NRXN1: variants seen among roughly 807,000 people sequenced by gnomAD.
NRXN1 encodes the protein neurexin-1.
NRXN1 carries 39 observed loss-of-function variants against 150.9 expected under a neutral mutation model. That is an observed-to-expected ratio of 0.26 (90% CI 0.20 to 0.34). The LOEUF is 0.34. Ranked by LOEUF, NRXN1 falls within the 10% of genes least tolerant of loss-of-function variation. NRXN1 has a pLI of 1.00. For synonymous variants in NRXN1, 924 were observed against 757.0 expected, an observed-to-expected ratio of 1.22 and a Z score of -3.62; for missense variants, 1,815 against 1,949.9, an observed-to-expected ratio of 0.93 and a Z score of 1.30.
chr2:50,099,849 T>C (rs1481433767), intron 18 of NRXN1, among the ~76,000 whole-genome samples: 4 of 152,124 alleles, frequency 2.6e-5, no homozygotes, highest in African/African-American at 9.7e-5. Context: ...TATTCTAAAA[T>C]CTACCTGTGC....
chr2:50,092,704 A>C (rs1317839781), intron 18 of NRXN1, among the ~76,000 whole-genome samples: 3 of 152,184 alleles, frequency 2.0e-5, no homozygotes, highest in Non-Finnish European at 4.4e-5. Flanking sequence ...TCTTTTTCAA[A>C]ATTGTATTAA....
At chr2:50,437,427 G>T (rs535072982) in intron 17 of NRXN1, among the ~76,000 whole-genome samples, 21 of 152,204 alleles carry the variant, frequency 1.4e-4, no homozygotes, top group Non-Finnish European at 2.2e-4. Context: ...ATGTTCTAAC[G>T]CAAGTCCCAG....
chr2:50,322,552 G>T (rs188083755), intron 17 of NRXN1, among the ~76,000 whole-genome samples: 3 of 152,264 alleles, frequency 2.0e-5, no homozygotes, highest in Admixed American at 2.0e-4. Flanking sequence ...CTGTAAGTAT[G>T]AAAGTTCTCT....
chr2:50,259,899 A>G (rs898655286), intron 17 of NRXN1, among the ~76,000 whole-genome samples: 1 of 151,792 alleles, frequency 6.6e-6, no homozygotes, highest in African/African-American at 2.4e-5. Flanking sequence ...GTGGTTTATC[A>G]TTTGTGGTGC....
intron 17 of NRXN1, among the ~76,000 whole-genome samples, chr2:50,241,298 T>C (rs1225510112): frequency 4.7e-4 from 71 of 151,758 alleles, no homozygotes. Context: ...AAAAATTTTA[T>C]CTTTACAGAA....
intron 17 of NRXN1, among the ~76,000 whole-genome samples, chr2:50,413,471 C>G (rs1051301411): frequency 1.3e-5 from 2 of 152,142 alleles, no homozygotes; most frequent in African/African-American, 2.4e-5. Flanking sequence ...CCAATCAAAA[C>G]TACAATGAGA....
At chr2:50,724,942 C>A (rs1349776591) in intron 5 of NRXN1, among the ~76,000 whole-genome samples, 3 of 150,908 alleles carry the variant, frequency 2.0e-5, no homozygotes, top group Non-Finnish European at 4.4e-5. Context: ...TGTTGAACAC[C>A]TGATACAGGG....
chr2:50,746,361 C>G (rs1301650841), intron 5 of NRXN1, among the ~76,000 whole-genome samples: 1 of 152,086 alleles, frequency 6.6e-6, no homozygotes, highest in Admixed American at 6.6e-5. Flanking sequence ...AGTTTGAGAC[C>G]AGCCTGGGCA....
intron 13 of NRXN1, among the ~76,000 whole-genome samples, chr2:50,504,140 T>TAAAAAAAAA (rs70948715): frequency 5.3e-5 from 6 of 112,422 alleles, no homozygotes; most frequent in African/African-American, 1.1e-4. Context: ...ACATGACAAC[T>TAAAAAAAAA]AAAAAAAAAA....
chr2:49,958,613 C>T (rs957482752), intron 21 of NRXN1, among the ~76,000 whole-genome samples: 1 of 152,154 alleles, frequency 6.6e-6, no homozygotes, highest in Non-Finnish European at 1.5e-5. Context: ...TACCTTTTAT[C>T]ATCATGCGAA....
intron 15 of NRXN1, among the ~76,000 whole-genome samples, chr2:50,479,576 T>C (rs902672626): frequency 2.0e-5 from 3 of 151,878 alleles, no homozygotes; most frequent in African/African-American, 4.8e-5. Flanking sequence ...AAGCATTTGA[T>C]AATTAGTTGT....
intron 18 of NRXN1, among the ~76,000 whole-genome samples, chr2:50,156,687 T>C (rs534112349): frequency 1.3e-5 from 2 of 152,052 alleles, no homozygotes; most frequent in African/African-American, 4.8e-5. Flanking sequence ...CATGTTTTAA[T>C]CCTTATCTAG....
At chr2:50,844,586 A>G (rs1401066808) in intron 5 of NRXN1, among the ~76,000 whole-genome samples, 2 of 152,224 alleles carry the variant, frequency 1.3e-5, no homozygotes, top group Non-Finnish European at 2.9e-5. Context: ...TTACAAAAAG[A>G]GAAGTGTGTG....
chr2:50,653,432 G>A (rs1685928169), intron 5 of NRXN1, among the ~76,000 whole-genome samples: 1 of 151,964 alleles, frequency 6.6e-6, no homozygotes, highest in African/African-American at 2.4e-5. Flanking sequence ...GTGATTGATT[G>A]AGACTCAGTT....
At chr2:50,669,939 G>C (rs561890099) in intron 5 of NRXN1, among the ~76,000 whole-genome samples, 1 of 151,736 alleles carries the variant, frequency 6.6e-6, no homozygotes, top group Non-Finnish European at 1.5e-5. Context: ...GCTACTGCTA[G>C]CATAATTTTC....
At chr2:50,712,283 A>G (rs1440967297) in intron 5 of NRXN1, among the ~76,000 whole-genome samples, 1 of 152,084 alleles carries the variant, frequency 6.6e-6, no homozygotes, top group Non-Finnish European at 1.5e-5. Flanking sequence ...TTCCTTTCCA[A>G]TGCTGTATCT....
intron 17 of NRXN1, among the ~76,000 whole-genome samples, chr2:50,385,564 T>C (rs2103737069): frequency 6.6e-6 from 1 of 152,156 alleles, no homozygotes; most frequent in Non-Finnish European, 1.5e-5. Context: ...AAACCAGGAG[T>C]GGCAGCGTGC....
At chr2:50,112,980 T>C (rs911200791) in intron 18 of NRXN1, among the ~76,000 whole-genome samples, 1 of 152,176 alleles carries the variant, frequency 6.6e-6, no homozygotes, top group Non-Finnish European at 1.5e-5. Context: ...ACATTTGGAA[T>C]GTGCCTCCCC....
intron 5 of NRXN1, among the ~76,000 whole-genome samples, chr2:50,781,022 G>T (rs936125023): frequency 1.3e-5 from 2 of 152,150 alleles, no homozygotes; most frequent in African/African-American, 4.8e-5. Context: ...TTTTATGAAT[G>T]CTAGCACAAA....
Sources: gnomAD v4.1 joint callset for allele counts (sites outside exome capture counted in the v4.1 genomes callset) on GRCh38, gnomAD v4.1.1 for gene constraint, MANE v1.5 for transcripts, NCBI Gene and HGNC (gene_info 2026-07-23, HGNC 2026-07-21) for gene names.